Variants in FTCDNL1 observed in about 807,000 individuals in gnomAD.
FTCDNL1 encodes the protein formiminotransferase cyclodeaminase N-terminal like.
Under a neutral mutation model 5.9 loss-of-function variants are expected in FTCDNL1, and 11 were observed. The ratio of observed to expected loss-of-function variants is 1.87; its 90% CI spans 1.18 to 3.10. The LOEUF (loss-of-function observed/expected upper bound fraction) is 3.10. Among genes scored for constraint, FTCDNL1 ranks in the 30% most tolerant of loss-of-function variants. The pLI, the probability that FTCDNL1 is intolerant of heterozygous loss-of-function variation, is 0.00. For synonymous variants in FTCDNL1, 58 were observed against 24.8 expected (o/e 2.34, Z -3.99); for missense variants, 115 against 65.5 (o/e 1.76, Z -2.61).
At chr2:199,832,333 G>A in intron 3 of FTCDNL1, among the ~76,000 whole-genome samples, 1 of 151,930 alleles carries the variant, frequency 6.6e-6, no homozygotes, top group East Asian at 1.9e-4. Flanking sequence ...GTTATTTCAT[G>A]GACTCAGTTT....
the FTCDNL1 span, among the ~76,000 whole-genome samples, chr2:199,702,214 G>T: frequency 6.6e-6 from 1 of 152,058 alleles, no homozygotes; most frequent in African/African-American, 2.4e-5. Flanking sequence ...GAAATAATCT[G>T]TACATCAAAC....
chr2:199,738,717 C>T, the FTCDNL1 span, among the ~76,000 whole-genome samples: 1 of 152,172 alleles, frequency 6.6e-6, no homozygotes, highest in Non-Finnish European at 1.5e-5. Flanking sequence ...CAATACACAG[C>T]TGCTTTGGTG....
chr2:199,702,557 T>C, the FTCDNL1 span, among the ~76,000 whole-genome samples: 1 of 152,196 alleles, frequency 6.6e-6, no homozygotes. Context: ...AGCAGGTCAA[T>C]ACAATCCTAA....
downstream of FTCDNL1, among the ~76,000 whole-genome samples, chr2:199,804,598 G>A (rs977747257): frequency 2.0e-5 from 3 of 152,064 alleles, no homozygotes; most frequent in African/African-American, 7.2e-5. Flanking sequence ...ATTCCAAAAG[G>A]AAACTGCGAA....
At chr2:199,816,113 C>T (rs2106481244) in intron 4 of FTCDNL1, among the ~76,000 whole-genome samples, 1 of 152,296 alleles carries the variant, frequency 6.6e-6, no homozygotes, top group South Asian at 2.1e-4. Flanking sequence ...AAGTCTTAAA[C>T]TCTACTATCT....
At chr2:199,805,919 GAA>G (rs556234509), downstream of FTCDNL1, among the ~76,000 whole-genome samples, 3 of 136,474 alleles carry the variant, frequency 2.2e-5, no homozygotes, top group Admixed American at 1.5e-4. Context: ...ACCTTGTCTT[GAA>G]AAAAAAAAAA....
intron 3 of FTCDNL1, among the ~76,000 whole-genome samples, chr2:199,793,855 T>C (rs1295038778): frequency 6.6e-6 from 1 of 152,218 alleles, no homozygotes; most frequent in Non-Finnish European, 1.5e-5. Flanking sequence ...GCTATTATTT[T>C]AACAGATACT....
At position 199,809,933 on chromosome 2, in the gene FTCDNL1, A is replaced by G. The variant is rs577762179; in HGVS notation, c.*2772T>C. 6.0e-5 allele frequency among the ~76,000 whole-genome samples: 9 copies of G among 148,882 alleles called. No individual in the cohort carries two copies. Among genetic ancestry groups the G allele is most frequent in the Non-Finnish European group, 7.4e-5 (5 of 67,286 alleles). On this transcript the variant is annotated 3_prime_UTR_variant, in exon 5 of 5. Coordinates refer to ENST00000420128, the MANE Select transcript of FTCDNL1 (RefSeq NM_001363886.2). ...TTTTTTGGTAACCCTCCCATTTTTT[A>G]GTCACTTAGTATCTGATTTTATTTT...
At chr2:199,742,427 G>T in the FTCDNL1 span, among the ~76,000 whole-genome samples, 1 of 151,966 alleles carries the variant, frequency 6.6e-6, no homozygotes, top group Non-Finnish European at 1.5e-5. Context: ...GAATGTTCGG[G>T]GATCAACGCC....
chr2:199,828,735 A>G (rs1376590876), intron 3 of FTCDNL1, among the ~76,000 whole-genome samples: 2 of 152,246 alleles, frequency 1.3e-5, no homozygotes, highest in African/African-American at 4.8e-5. Flanking sequence ...AAATCCCAGA[A>G]GGCAGTGCCT....
chr2:199,717,592 T>C, the FTCDNL1 span, among the ~76,000 whole-genome samples: 1 of 132,686 alleles, frequency 7.5e-6, no homozygotes, highest in Non-Finnish European at 1.6e-5. Context: ...CAGAATAATA[T>C]ACAACCAACA....
the FTCDNL1 span, among the ~76,000 whole-genome samples, chr2:199,753,198 A>C: frequency 6.6e-6 from 1 of 152,230 alleles, no homozygotes. Flanking sequence ...GTATAAGGTT[A>C]TAAGAGGTAT....
chr2:199,669,688 G>T, the FTCDNL1 span, among the ~76,000 whole-genome samples: 1 of 152,048 alleles, frequency 6.6e-6, no homozygotes, highest in Admixed American at 6.6e-5. Context: ...AGATTCTGCC[G>T]AACCTTTTGT....
the FTCDNL1 span, among the ~76,000 whole-genome samples, chr2:199,714,331 TA>T: frequency 2.6e-5 from 4 of 151,950 alleles, no homozygotes; most frequent in Admixed American, 1.3e-4. Flanking sequence ...AGAATCTGAC[TA>T]AAAAAAAATT....
intron 3 of FTCDNL1, among the ~76,000 whole-genome samples, chr2:199,784,927 C>T (rs905442198): frequency 1.3e-5 from 2 of 152,194 alleles, no homozygotes; most frequent in Non-Finnish European, 2.9e-5. Flanking sequence ...ACACTTAAAA[C>T]ACACAGAACA....
the FTCDNL1 span, among the ~76,000 whole-genome samples, chr2:199,742,636 G>A: frequency 2.0e-5 from 3 of 152,186 alleles, no homozygotes; most frequent in South Asian, 2.1e-4. Flanking sequence ...GATTTCAACC[G>A]CCATATGATA....
At chr2:199,805,591 T>G (rs1464428429), downstream of FTCDNL1, among the ~76,000 whole-genome samples, 1 of 151,960 alleles carries the variant, frequency 6.6e-6, no homozygotes, top group Non-Finnish European at 1.5e-5. Flanking sequence ...TACAAAAAAT[T>G]AGCTGGGTGT....
chr2:199,695,650 G>C, the FTCDNL1 span, among the ~76,000 whole-genome samples: 2 of 152,220 alleles, frequency 1.3e-5, no homozygotes, highest in East Asian at 3.9e-4. Context: ...AATGAGTGTA[G>C]AGTGACCCAC....
At chr2:199,766,881 T>C (rs892332403) in intron 3 of FTCDNL1, among the ~76,000 whole-genome samples, 1 of 152,186 alleles carries the variant, frequency 6.6e-6, no homozygotes, top group Admixed American at 6.5e-5. Flanking sequence ...TAGACAATAA[T>C]GATTTACTGA....
Sources: gnomAD v4.1 joint callset for allele counts (sites outside exome capture counted in the v4.1 genomes callset) on GRCh38, gnomAD v4.1.1 for gene constraint, MANE v1.5 for transcripts, NCBI Gene and HGNC (gene_info 2026-07-23, HGNC 2026-07-21) for gene names.